Variants in C12orf42 observed in about 807,000 individuals in gnomAD.
The protein encoded by C12orf42 is uncharacterized protein C12orf42.
A neutral mutation model predicts 21.6 loss-of-function variants in C12orf42; 25 were observed. That is an observed-to-expected ratio of 1.16 (90% CI 0.84 to 1.62). The LOEUF is 1.62. C12orf42 is among the 40% of genes most tolerant of loss of function. C12orf42 has a pLI of 0.00. For synonymous variants in C12orf42, 174 were observed against 175.0 expected (o/e 0.99, Z 0.05); for missense variants, 483 against 459.3 (o/e 1.05, Z -0.47).
chr12:103,305,901 T>G, intron 5 of C12orf42, 73 bp downstream of exon 5: 1 of 1,500,846 alleles, frequency 6.7e-7, no homozygotes, highest in Non-Finnish European at 9.0e-7. Context: ...ATTTTTTCTG[T>G]TTATACTGAA....
the C12orf42 span, among the ~76,000 whole-genome samples, chr12:103,156,659 G>A: frequency 6.6e-6 from 1 of 152,010 alleles, no homozygotes; most frequent in East Asian, 1.9e-4. Context: ...CCTTGTGTGT[G>A]TTGTTTCTCT....
intron 1 of C12orf42, among the ~76,000 whole-genome samples, chr12:103,484,939 G>C (rs1274953580): frequency 7.0e-6 from 1 of 142,598 alleles, no homozygotes; most frequent in African/African-American, 2.7e-5. Flanking sequence ...GCACAATCTC[G>C]GCTCACTGCA....
chr12:103,307,848 G>A (rs974182872), intron 4 of C12orf42, among the ~76,000 whole-genome samples: 1 of 152,134 alleles, frequency 6.6e-6, no homozygotes, highest in Non-Finnish European at 1.5e-5. Flanking sequence ...GGAGAGGGGT[G>A]CTGTGAAAGG....
intron 10 of C12orf42, among the ~76,000 whole-genome samples, chr12:103,259,404 G>A (rs1377526116): frequency 3.9e-5 from 6 of 152,010 alleles, no homozygotes; most frequent in Non-Finnish European, 5.9e-5. Context: ...TCAGCCTCCC[G>A]AGTAGCTGGT....
chr12:103,116,381 A>AATATATATATATATATATATATATATAT, the C12orf42 span, among the ~76,000 whole-genome samples: 3 of 136,712 alleles, frequency 2.2e-5, no homozygotes, highest in African/African-American at 8.2e-5. Flanking sequence ...AAAAAAAAAA[A>AATATATATATATATATATATATATATAT]ATATATATAT....
the C12orf42 span, among the ~76,000 whole-genome samples, chr12:103,095,636 A>T: frequency 6.6e-6 from 1 of 152,180 alleles, no homozygotes; most frequent in Admixed American, 6.5e-5. Flanking sequence ...ATTTATTATG[A>T]GAATTTTATT....
intron 10 of C12orf42, among the ~76,000 whole-genome samples, chr12:103,249,903 G>A (rs373065786): frequency 6.6e-6 from 1 of 152,052 alleles, no homozygotes; most frequent in Admixed American, 6.6e-5. Context: ...ACTCACCAGG[G>A]CTAGTTGCTA....
intron 4 of C12orf42, among the ~76,000 whole-genome samples, chr12:103,354,102 A>G (rs2043325029): frequency 6.6e-6 from 1 of 152,180 alleles, no homozygotes; most frequent in Non-Finnish European, 1.5e-5. Context: ...TAGGAGAAGC[A>G]ACAATGAGTC....
intron 2 of C12orf42, among the ~76,000 whole-genome samples, chr12:103,407,166 T>C (rs2048483820): frequency 6.6e-6 from 1 of 152,128 alleles, no homozygotes; most frequent in Admixed American, 6.5e-5. Context: ...CTTCACAGTG[T>C]TCAGGTGTCT....
the C12orf42 span, among the ~76,000 whole-genome samples, chr12:103,064,045 T>G: frequency 6.6e-6 from 1 of 152,290 alleles, no homozygotes; most frequent in South Asian, 2.1e-4. Context: ...TGATCTCACT[T>G]GGTTTACTGT....
chr12:103,189,434 A>G, the C12orf42 span, among the ~76,000 whole-genome samples: 20 of 152,212 alleles, frequency 1.3e-4, no homozygotes, highest in Non-Finnish European at 2.6e-4. Context: ...AACAACACCC[A>G]TGCATGTAAA....
chr12:103,089,981 T>C, the C12orf42 span, among the ~76,000 whole-genome samples: 15 of 152,222 alleles, frequency 9.9e-5, no homozygotes, highest in Non-Finnish European at 1.9e-4. Flanking sequence ...ATCTACCTGC[T>C]ACCCACACAC....
chr12:103,398,026 T>C (rs1397006408), intron 3 of C12orf42, among the ~76,000 whole-genome samples: 1 of 152,168 alleles, frequency 6.6e-6, no homozygotes, highest in Admixed American at 6.5e-5. Flanking sequence ...ATATCACATA[T>C]GTACCTCATA....
At chr12:103,514,921 C>A in the C12orf42 span, among the ~76,000 whole-genome samples, 1 of 152,076 alleles carries the variant, frequency 6.6e-6, no homozygotes. Context: ...ACCATTTTGC[C>A]CCCTACCCTT....
the C12orf42 span, among the ~76,000 whole-genome samples, chr12:103,537,864 A>G: frequency 6.6e-6 from 1 of 152,260 alleles, no homozygotes; most frequent in Admixed American, 6.5e-5. Context: ...CAAGAAAAAG[A>G]TAATGGATTT....
the C12orf42 span, among the ~76,000 whole-genome samples, chr12:103,052,362 T>A: frequency 6.6e-6 from 1 of 152,172 alleles, no homozygotes; most frequent in Non-Finnish European, 1.5e-5. Flanking sequence ...GGTATTTTAA[T>A]GTTTTATTTT....
the C12orf42 span, among the ~76,000 whole-genome samples, chr12:103,088,276 C>T: frequency 1.3e-5 from 2 of 152,292 alleles, no homozygotes; most frequent in African/African-American, 2.4e-5. Flanking sequence ...CAACATCTAC[C>T]ACAGTGCCTG....
chr12:103,200,629 T>G, the C12orf42 span, among the ~76,000 whole-genome samples: 3 of 152,100 alleles, frequency 2.0e-5, no homozygotes, highest in African/African-American at 7.2e-5. Context: ...GTATGTTGAA[T>G]TTGAAAAAAA....
chr12:103,530,313 C>T, the C12orf42 span, among the ~76,000 whole-genome samples: 15 of 152,282 alleles, frequency 9.9e-5, no homozygotes, highest in East Asian at 5.8e-4. Flanking sequence ...GATGTGGGAT[C>T]GTTTGGCATT....
Sources: gnomAD v4.1 joint callset for allele counts (sites outside exome capture counted in the v4.1 genomes callset) on GRCh38, gnomAD v4.1.1 for gene constraint, MANE v1.5 for transcripts, NCBI Gene and HGNC (gene_info 2026-07-23, HGNC 2026-07-21) for gene names.